The following MAP6 variants were observed in gnomAD, a reference collection of about 807,000 sequenced individuals.
MAP6 encodes the protein microtubule-associated protein 6.
Under a neutral mutation model 42.4 loss-of-function variants are expected in MAP6, and 26 were observed. The ratio of observed to expected loss-of-function variants is 0.61; its 90% CI spans 0.45 to 0.85. The LOEUF (loss-of-function observed/expected upper bound fraction) is 0.85. MAP6 is among the 40% of genes least tolerant of loss of function. The pLI is 0.00. For missense variants in MAP6, 966 were observed against 1,099.0 expected (o/e 0.88, Z 1.71); for synonymous variants, 418 against 443.8 (o/e 0.94, Z 0.73).
At chr11:75,619,566 T>C (rs1019929066) in intron 1 of MAP6, among the ~76,000 whole-genome samples, 2 of 152,194 alleles carry the variant, frequency 1.3e-5, no homozygotes, top group Non-Finnish European at 2.9e-5. Flanking sequence ...GTTCATGTGT[T>C]CTCATTATTT....
intron 1 of MAP6, among the ~76,000 whole-genome samples, chr11:75,638,144 T>C (rs2135649561): frequency 6.6e-6 from 1 of 151,660 alleles, no homozygotes; most frequent in Admixed American, 6.5e-5. Flanking sequence ...TGACTGGGCC[T>C]GGATCTGCCC....
At chr11:75,650,009 C>T (rs1162494242) in intron 1 of MAP6, among the ~76,000 whole-genome samples, 2 of 152,162 alleles carry the variant, frequency 1.3e-5, no homozygotes, top group African/African-American at 2.4e-5. Flanking sequence ...AGAGCAGTAT[C>T]GAATGGATGG....
chr11:75,636,802 CT>C (rs1445016445), intron 1 of MAP6, among the ~76,000 whole-genome samples: 1 of 152,162 alleles, frequency 6.6e-6, no homozygotes, highest in Non-Finnish European at 1.5e-5. Flanking sequence ...CCATTACTTC[CT>C]GCAAAAATCA....
chr11:75,617,774 C>A (rs1943026705), intron 1 of MAP6, among the ~76,000 whole-genome samples: 1 of 151,954 alleles, frequency 6.6e-6, no homozygotes. Context: ...AGAAAACTTC[C>A]CCATAACCAT....
At position 75,645,064 on chromosome 11, in the gene MAP6, C is replaced by A. The variant is rs182187192; in HGVS notation, c.905+22401G>T. 2.6e-3 allele frequency among the ~76,000 whole-genome samples: 403 copies of A among 152,294 alleles called. 2 individuals carry two copies. Among genetic ancestry groups the A allele is most frequent in the African/African-American group, 9.2e-3 (383 of 41,558 alleles). On this transcript the variant is annotated intron_variant, in intron 1 of 3. Coordinates refer to ENST00000304771, the MANE Select transcript of MAP6 (RefSeq NM_033063.2). ...GGAACAACACCTAAACCCAAGAGGG[C>A]AGCTGTTGCAGCATCCAGTTCATCT...
chr11:75,605,400 C>T, intron 3 of MAP6: 1 of 994,854 alleles, frequency 1.0e-6, no homozygotes, highest in Non-Finnish European at 1.2e-6. Flanking sequence ...GAAAAGAACA[C>T]ATGTACCTAA....
chr11:75,668,843 C>G lies in MAP6; in HGVS notation c.-474G>C, dbSNP rs1944010990. 6.3e-6 allele frequency: 1 copy of G among 158,930 alleles called. No homozygotes were observed. The highest frequency in any genetic ancestry group is 1.5e-4 in the South Asian group (1 of 6,864). The allele number at this position is 158,930 out of a possible 1,614,324, so 9.8% of individuals were successfully genotyped here. ...CCGGCGTCCTAGTGCAGCCGGCCACCTAGCAGGGCTGGGAGGCCATCACCT... is the reference window on the plus strand; with the variant it reads ...CCGGCGTCCTAGTGCAGCCGGCCACGTAGCAGGGCTGGGAGGCCATCACCT... On this transcript the variant is annotated 5_prime_UTR_variant, in exon 1 of 4. An upstream open reading frame in the 5' UTR loses its in-frame stop. Coordinates refer to ENST00000304771, the MANE Select transcript of MAP6 (RefSeq NM_033063.2).
chr11:75,627,845 A>G (rs1943222927), intron 1 of MAP6, among the ~76,000 whole-genome samples: 1 of 152,216 alleles, frequency 6.6e-6, no homozygotes. Flanking sequence ...ATGTCCCAGA[A>G]CTGAAATGGA....
chr11:75,601,771 A>T (rs2135581200), intron 3 of MAP6, among the ~76,000 whole-genome samples: 1 of 150,736 alleles, frequency 6.6e-6, no homozygotes, highest in East Asian at 2.0e-4. Flanking sequence ...CTGTGCCATG[A>T]CCCTCCCAAG....
At chr11:75,654,765 A>G (rs1249474067) in intron 1 of MAP6, among the ~76,000 whole-genome samples, 1 of 152,198 alleles carries the variant, frequency 6.6e-6, no homozygotes, top group Non-Finnish European at 1.5e-5. Flanking sequence ...CAACTTCATC[A>G]TGACTCTGTG....
intron 3 of MAP6, among the ~76,000 whole-genome samples, chr11:75,600,262 G>T (rs1009805184): frequency 3.9e-5 from 6 of 152,134 alleles, no homozygotes; most frequent in Non-Finnish European, 8.8e-5. Context: ...ATTTTCAGAG[G>T]AGGACACTAA....
intron 1 of MAP6, among the ~76,000 whole-genome samples, chr11:75,664,625 T>A (rs1943915637): frequency 6.6e-6 from 1 of 152,228 alleles, no homozygotes; most frequent in African/African-American, 2.4e-5. Flanking sequence ...GAGCACAGCT[T>A]GGCTTCTAAG....
rs753994954 is a variant in MAP6 at position 75,587,960 on chromosome 11, G to T, written c.1541C>A (p.Pro514His). The part of the protein sequence containing the change: ...VKDQDHTVPE[P>H]LKNESPVISA... ...GATAACAGGGCTTTCATTCTTTAAAGGCTCAGGGACCGTGTGATCTTGATC... is the reference window on the plus strand; with the variant it reads ...GATAACAGGGCTTTCATTCTTTAAATGCTCAGGGACCGTGTGATCTTGATC... Residue 514 changes from proline (P) to histidine (H), a missense_variant, in exon 4 of 4, where the codon CCT (proline) becomes CAT (histidine). Physicochemically the swap from Pro to His is moderately conservative, Grantham distance 77. This residue lies in a region of MAP6 where 943 missense variants were observed against 1,049.9 expected (regional missense o/e 0.90). Coordinates refer to ENST00000304771, the MANE Select transcript of MAP6 (RefSeq NM_033063.2). 3 of 1,614,056 alleles carry T rather than the reference G, an allele frequency of 1.9e-6. No individual in the cohort carries two copies. Among genetic ancestry groups the T allele is most frequent in the Non-Finnish European group, 2.5e-6 (3 of 1,179,996 alleles).
Position 75,595,015 on chromosome 11 carries a change from A to G in MAP6, c.1317-6831T>C, listed in dbSNP as rs573561039. ...TTTGTTGGAGAAGTCTTCCCTCTCT[A>G]TTCCATAAAAGCAAAACTCCAGAAG... On this transcript the variant is annotated intron_variant, in intron 3 of 3. Transcript: ENST00000304771. Among the ~76,000 whole-genome samples, 21 of 152,306 alleles carry G rather than the reference A, an allele frequency of 1.4e-4. 1 individual carries two copies. The South Asian group carries it at 2.1e-3, about 15-fold the overall frequency.
chr11:75,646,776 C>T (rs57777945), intron 1 of MAP6, among the ~76,000 whole-genome samples: 2 of 151,530 alleles, frequency 1.3e-5, no homozygotes, highest in African/African-American at 2.4e-5. Flanking sequence ...CTCCAGCGTG[C>T]GCAACAAGAG....
chr11:75,592,184 C>T (rs1942489708), intron 3 of MAP6, among the ~76,000 whole-genome samples: 1 of 152,208 alleles, frequency 6.6e-6, no homozygotes. Flanking sequence ...CCTCCCTGGT[C>T]TTCCTGCCTG....
intron 1 of MAP6, among the ~76,000 whole-genome samples, chr11:75,632,642 T>C (rs1038551648): frequency 2.0e-5 from 3 of 152,160 alleles, no homozygotes; most frequent in Admixed American, 1.3e-4. Flanking sequence ...GGGATGTACA[T>C]AACCTCAGAT....
chr11:75,650,242 G>A (rs1241351584), intron 1 of MAP6, among the ~76,000 whole-genome samples: 1 of 152,202 alleles, frequency 6.6e-6, no homozygotes, highest in Non-Finnish European at 1.5e-5. Context: ...GAAGCAGGAA[G>A]GAGAGACTTG....
rs577814146 is a variant in MAP6 at position 75,587,675 on chromosome 11, A to G, written c.1826T>C (p.Ile609Thr). 128 of 1,613,498 alleles carry G rather than the reference A, an allele frequency of 7.9e-5. 1 individual carries two copies. Among genetic ancestry groups the G allele is most frequent in the Middle Eastern group, 6.7e-4 (4 of 5,960 alleles). ...VSAPVKDQGP[I>T]VPAPVKGEGP... ...TTCACCCTTGACAGGTGCTGGGACT[A>G]TGGGACCTTGATCCTTGACAGGTGC... The change falls in exon 4 of 4, where the codon ATA (isoleucine) becomes ACA (threonine). Residue 609 changes from isoleucine (I) to threonine (T), a missense_variant. Physicochemically the swap from Ile to Thr is moderately conservative, Grantham distance 89 (BLOSUM62 -1). Coordinates refer to ENST00000304771, the MANE Select transcript of MAP6 (RefSeq NM_033063.2).
Sources: gnomAD v4.1 joint callset for allele counts (sites outside exome capture counted in the v4.1 genomes callset) on GRCh38, gnomAD v4.1.1 for gene constraint, gnomAD v4.1.1 regional missense constraint, MANE v1.5 for transcripts, NCBI Gene and HGNC (gene_info 2026-07-23, HGNC 2026-07-21) for gene names.